Variants in VCL observed in about 807,000 individuals in gnomAD.
VCL encodes the protein vinculin.
In VCL, 47 loss-of-function variants were observed where a neutral mutation model predicts 125.7. That is an observed-to-expected ratio of 0.37 (90% CI 0.30 to 0.48). The LOEUF (loss-of-function observed/expected upper bound fraction) is 0.48, where lower values mean the gene tolerates loss of function less well. Ranked by LOEUF, VCL falls within the 20% of genes least tolerant of loss-of-function variation. VCL has a pLI of 0.99. For missense variants in VCL, 1,069 were observed against 1,455.5 expected, an observed-to-expected ratio of 0.73 and a Z score of 4.32; for synonymous variants, 458 against 514.6, an observed-to-expected ratio of 0.89 and a Z score of 1.49.
At chr10:74,022,217 A>T (rs1426841138) in intron 1 of VCL, among the ~76,000 whole-genome samples, 1 of 152,160 alleles carries the variant, frequency 6.6e-6, no homozygotes, top group Non-Finnish European at 1.5e-5. Context: ...AAAAAACAGA[A>T]GATGAATATT....
At chr10:74,088,617 A>G (rs1345067658) in intron 8 of VCL, among the ~76,000 whole-genome samples, 1 of 152,200 alleles carries the variant, frequency 6.6e-6, no homozygotes, top group African/African-American at 2.4e-5. Context: ...CCTTCATTAT[A>G]TGTTACCTTC....
intron 1 of VCL, among the ~76,000 whole-genome samples, chr10:74,039,672 G>C (rs1164702455): frequency 6.6e-6 from 1 of 151,908 alleles, no homozygotes; most frequent in African/African-American, 2.4e-5. Flanking sequence ...TGGAGTCCTA[G>C]CTGCTCCGGA....
At chr10:74,014,550 T>TAAA (rs76911010) in intron 1 of VCL, among the ~76,000 whole-genome samples, 52 of 126,788 alleles carry the variant, frequency 4.1e-4, no homozygotes, top group African/African-American at 1.5e-3. Flanking sequence ...CCTATTTTCT[T>TAAA]AAAAAAAAAA....
chr10:74,021,748 G>T (rs181652360), intron 1 of VCL, among the ~76,000 whole-genome samples: 1 of 152,164 alleles, frequency 6.6e-6, no homozygotes, highest in Non-Finnish European at 1.5e-5. Context: ...TAGAGAATGA[G>T]AATGCAAAAA....
At chr10:74,073,602 A>G (rs949389730) in intron 5 of VCL, among the ~76,000 whole-genome samples, 1 of 152,160 alleles carries the variant, frequency 6.6e-6, no homozygotes, top group Non-Finnish European at 1.5e-5. Context: ...TATTAATCCA[A>G]TTTTTCCTAA....
intron 1 of VCL, among the ~76,000 whole-genome samples, chr10:74,037,849 C>T (rs1046107782): frequency 6.6e-5 from 10 of 152,082 alleles, no homozygotes; most frequent in African/African-American, 2.4e-4. Context: ...GCAACAAGAC[C>T]AGTTTTAGGA....
At chr10:74,067,677 T>C (rs1178823437) in intron 2 of VCL, among the ~76,000 whole-genome samples, 1 of 152,132 alleles carries the variant, frequency 6.6e-6, no homozygotes, top group Admixed American at 6.6e-5. Flanking sequence ...AAAAAAAGAA[T>C]GAAGTATTGA....
chr10:74,089,336 T>C lies in VCL; in HGVS notation c.1163T>C (p.Ile388Thr), dbSNP rs1839839832. The change falls in exon 9 of 22, where the codon ATC becomes ACC. Residue 388 changes from isoleucine (I) to threonine (T), a missense_variant. Transcript: ENST00000211998. ...TCAAAGCAGAGCATTGCAAAGAAGA[T>C]CGATGCTGCTCAGGTAGTCACAGTG... ...TNSKQSIAKK[I>T]DAAQNWLADP... The C allele has an allele frequency of 6.2e-7, 1 of 1,613,850 alleles. No individual in the cohort carries two copies. The highest frequency in any genetic ancestry group is 8.5e-7 in the Non-Finnish European group (1 of 1,180,018).
Position 74,002,765 on chromosome 10 carries a change from C to T in VCL, c.168+4390C>T, listed in dbSNP as rs565197381. ...GGCATGGTGGCACGCGCCTGTAGTCCCAGCTACTCGGGAGGCTGAGGCGGG... is the reference window on the plus strand; with the variant it reads ...GGCATGGTGGCACGCGCCTGTAGTCTCAGCTACTCGGGAGGCTGAGGCGGG... On this transcript the variant is annotated intron_variant, in intron 1 of 21. Coordinates refer to ENST00000211998, the MANE Select transcript of VCL (RefSeq NM_014000.3). Among the ~76,000 whole-genome samples the T allele has an allele frequency of 1.4e-4, 21 of 151,380 alleles. No individual in the cohort carries two copies. The South Asian group carries it at 4.4e-3, about 32-fold the overall frequency.
At chr10:74,082,612 G>C in intron 7 of VCL, 68 bp downstream of exon 7, 1 of 1,525,432 alleles carries the variant, frequency 6.6e-7, no homozygotes. Flanking sequence ...ATGAAAGAAA[G>C]AAATTTTCCC....
chr10:74,024,100 G>GA (rs1373166612), intron 1 of VCL, among the ~76,000 whole-genome samples: 1 of 152,148 alleles, frequency 6.6e-6, no homozygotes, highest in Non-Finnish European at 1.5e-5. Flanking sequence ...TTTGACACAT[G>GA]AATATTATAA....
intron 2 of VCL, among the ~76,000 whole-genome samples, chr10:74,044,064 T>A (rs1346719930): frequency 2.6e-5 from 4 of 151,724 alleles, no homozygotes; most frequent in Admixed American, 2.0e-4. Context: ...TGAGTGGAGA[T>A]CACGCCACTG....
chr10:74,120,895 CAG>C (rs962769957), downstream of VCL: 3 of 152,158 alleles, frequency 2.0e-5, no homozygotes, highest in African/African-American at 4.8e-5. Context: ...GGCTATAAAA[CAG>C]AGTTAGCTTT....
chr10:74,089,967 T>C, intron 9 of VCL, 56 bp from the exon 10 acceptor site: 1 of 1,602,884 alleles, frequency 6.2e-7, no homozygotes, highest in Non-Finnish European at 8.5e-7. Context: ...TTAAGTTTAG[T>C]AGAAAGGAGT....
chr10:74,080,582 G>A (rs187033371), intron 6 of VCL, among the ~76,000 whole-genome samples: 539 of 152,210 alleles, frequency 3.5e-3, no homozygotes, highest in African/African-American at 0.012. Flanking sequence ...AAAAATTTCT[G>A]ACCTTCGTTT....
At chr10:74,059,645 T>C (rs1450166234) in intron 2 of VCL, among the ~76,000 whole-genome samples, 2 of 152,126 alleles carry the variant, frequency 1.3e-5, no homozygotes, top group Non-Finnish European at 2.9e-5. Flanking sequence ...GACCTTGTGA[T>C]CTGCCTGCCT....
Position 74,094,449 on chromosome 10 carries a change from G to T in VCL, c.1531G>T (p.Asp511Tyr), listed in dbSNP as rs863225121. The T allele has an allele frequency of 1.2e-6, 2 of 1,613,896 alleles. No homozygotes were observed. Among genetic ancestry groups the T allele is most frequent in the South Asian group, 1.1e-5 (1 of 90,968 alleles). ...GTGGATTGATAATCCCACAGTGGATGACCGTGGAGTCGGTAAGGGCAGCAG... is the reference window on the plus strand; with the variant it reads ...GTGGATTGATAATCCCACAGTGGATTACCGTGGAGTCGGTAAGGGCAGCAG... The part of the protein sequence containing the change: ...QRWIDNPTVD[D>Y]RGVGQAAIRG... The change falls in exon 11 of 22, where the codon GAC (aspartate) becomes TAC (tyrosine). Residue 511 changes from aspartate (D) to tyrosine (Y), a missense_variant. Transcript: ENST00000211998.
intron 1 of VCL, among the ~76,000 whole-genome samples, chr10:74,022,343 C>A (rs377349669): frequency 9.2e-5 from 14 of 151,848 alleles, no homozygotes; most frequent in African/African-American, 3.4e-4. Flanking sequence ...GTCAGGAGTT[C>A]AAGACCAGCC....
intron 8 of VCL, among the ~76,000 whole-genome samples, chr10:74,086,933 G>T (rs550397041): frequency 1.3e-5 from 2 of 152,106 alleles, no homozygotes; most frequent in Admixed American, 1.3e-4. Context: ...ACCCCCATGA[G>T]ACTCAATAAA....
Sources: allele counts gnomAD v4.1 joint callset (sites outside exome capture counted in the v4.1 genomes callset), GRCh38; gene constraint gnomAD v4.1.1; transcripts MANE v1.5; gene names NCBI Gene and HGNC (gene_info 2026-07-23, HGNC 2026-07-21).